The following STIM1 variants were observed in gnomAD, a reference collection of about 807,000 sequenced individuals.
The protein encoded by STIM1 is stromal interaction molecule 1.
In STIM1, 25 loss-of-function variants were observed where a neutral mutation model predicts 74.7. The observed-to-expected ratio is 0.33, with a 90% CI of 0.24 to 0.47. The LOEUF (loss-of-function observed/expected upper bound fraction) is 0.47. Ranked by LOEUF, STIM1 falls within the 20% of genes least tolerant of loss-of-function variation. The pLI, the probability that STIM1 is intolerant of heterozygous loss-of-function variation, is 1.00. For synonymous variants in STIM1, 328 were observed against 348.8 expected, an observed-to-expected ratio of 0.94 and a Z score of 0.66; for missense variants, 728 against 920.8, an observed-to-expected ratio of 0.79 and a Z score of 2.71.
rs554373736 is a variant in STIM1, at chr11:4,091,032, C to T, written c.1635-250C>T. On this transcript the variant is annotated intron_variant, in intron 12 of 12. Coordinates refer to ENST00000526596, the MANE Select transcript of STIM1 (RefSeq NM_001382567.1). ...TACTCTCCTTTTCCTGTCTCTTTTCCAATCTATCCTCATTCCCTCCTCCTG... is the reference window on the plus strand; with the variant it reads ...TACTCTCCTTTTCCTGTCTCTTTTCTAATCTATCCTCATTCCCTCCTCCTG... 1.3e-4 allele frequency among the ~76,000 whole-genome samples: 19 copies of T among 151,830 alleles called. No homozygotes were observed. In the South Asian group the frequency reaches 3.8e-3, roughly 30 times the overall value.
chr11:3,994,083 T>A (rs2093639855), intron 2 of STIM1, among the ~76,000 whole-genome samples: 1 of 152,168 alleles, frequency 6.6e-6, no homozygotes, highest in South Asian at 2.1e-4. Context: ...TCTCAGTGTT[T>A]GTTTATCTGG....
At chr11:3,983,762 A>G (rs2093529980) in intron 2 of STIM1, among the ~76,000 whole-genome samples, 1 of 152,130 alleles carries the variant, frequency 6.6e-6, no homozygotes. Context: ...CCCTGGACCC[A>G]ATTCTGAACA....
intron 1 of STIM1, among the ~76,000 whole-genome samples, chr11:3,867,700 G>A (rs934079740): frequency 6.6e-6 from 1 of 152,224 alleles, no homozygotes; most frequent in Non-Finnish European, 1.5e-5. Context: ...ATGTGATGGA[G>A]GAGACAAAAG....
At chr11:3,974,285 G>A (rs1003876117) in intron 2 of STIM1, 1 of 317,246 alleles carries the variant, frequency 3.2e-6, no homozygotes, top group Non-Finnish European at 5.8e-6. Flanking sequence ...CGGCATCCAT[G>A]GGTAGAAAAA....
chr11:3,880,978 C>T (rs962986610), intron 1 of STIM1, among the ~76,000 whole-genome samples: 11 of 151,566 alleles, frequency 7.3e-5, no homozygotes, highest in African/African-American at 2.2e-4. Context: ...CAGGTTTGGA[C>T]GGCTGCAGGA....
intron 1 of STIM1, among the ~76,000 whole-genome samples, chr11:3,896,248 A>T (rs2092171661): frequency 6.6e-6 from 1 of 152,140 alleles, no homozygotes; most frequent in South Asian, 2.1e-4. Flanking sequence ...ACAAGGGGAA[A>T]GGAGAATGGT....
chr11:3,987,843 A>G (rs2093571716), intron 2 of STIM1, among the ~76,000 whole-genome samples: 1 of 144,538 alleles, frequency 6.9e-6, no homozygotes, highest in Admixed American at 6.9e-5. Flanking sequence ...ACACACACAC[A>G]GTGTGTATAT....
chr11:4,073,388 C>T (rs1397197086), intron 6 of STIM1, among the ~76,000 whole-genome samples: 1 of 152,176 alleles, frequency 6.6e-6, no homozygotes, highest in Admixed American at 6.5e-5. Flanking sequence ...GCTGATGACT[C>T]CATCTTTTGG....
At chr11:3,954,837 G>C (rs1262446912) in intron 1 of STIM1, among the ~76,000 whole-genome samples, 1 of 152,150 alleles carries the variant, frequency 6.6e-6, no homozygotes, top group African/African-American at 2.4e-5. Context: ...AAAACAGTTT[G>C]GCAGTTACTT....
intron 3 of STIM1, among the ~76,000 whole-genome samples, chr11:4,030,435 A>G (rs746365314): frequency 6.6e-6 from 1 of 152,076 alleles, no homozygotes; most frequent in Admixed American, 6.6e-5. Flanking sequence ...TGTCTAAACC[A>G]TTTCAAAAGT....
intron 1 of STIM1, among the ~76,000 whole-genome samples, chr11:3,879,237 T>C (rs2091410894): frequency 6.6e-6 from 1 of 152,234 alleles, no homozygotes; most frequent in Admixed American, 6.5e-5. Flanking sequence ...ATTACAGGAA[T>C]GAGCCACTGC....
chr11:3,989,034 CCTT>C, intron 2 of STIM1: 2 of 983,534 alleles, frequency 2.0e-6, no homozygotes, highest in African/African-American at 1.6e-5. Context: ...GGGATTCCCT[CCTT>C]CTTAAAAATG....
intron 1 of STIM1, among the ~76,000 whole-genome samples, chr11:3,903,919 C>T (rs1475266239): frequency 3.9e-5 from 6 of 152,160 alleles, no homozygotes; most frequent in Non-Finnish European, 5.9e-5. Context: ...CTGGGAAAGG[C>T]TGGGCTTGGT....
intron 1 of STIM1, among the ~76,000 whole-genome samples, chr11:3,966,548 C>T (rs955507727): frequency 1.3e-5 from 2 of 152,192 alleles, no homozygotes; most frequent in African/African-American, 2.4e-5. Context: ...AAGTTAAGAT[C>T]TATCTTCTTT....
At chr11:4,036,970 T>C (rs1174324415) in intron 3 of STIM1, among the ~76,000 whole-genome samples, 3 of 152,190 alleles carry the variant, frequency 2.0e-5, no homozygotes, top group Non-Finnish European at 2.9e-5. Flanking sequence ...AATCAGGTCA[T>C]GTTGGTTGAT....
At chr11:4,041,209 T>C (rs2094144447) in intron 3 of STIM1, among the ~76,000 whole-genome samples, 1 of 152,226 alleles carries the variant, frequency 6.6e-6, no homozygotes, top group Admixed American at 6.5e-5. Flanking sequence ...TCACCTTATA[T>C]ATCCCTGTGA....
Position 4,093,147 on chromosome 11 carries a change from T to C in STIM1, c.*1349T>C, listed in dbSNP as rs548020309. 1 of 152,684 alleles carries C rather than the reference T, an allele frequency of 6.5e-6. No individual in the cohort carries two copies. Among genetic ancestry groups the C allele is most frequent in the South Asian group, 2.1e-4 (1 of 4,812 alleles). The allele number at this position is 152,684 out of a possible 1,614,324, so 9.5% of individuals were successfully genotyped here. On this transcript the variant is annotated 3_prime_UTR_variant, in exon 13 of 13. Coordinates refer to ENST00000526596, the MANE Select transcript of STIM1 (RefSeq NM_001382567.1). Reference sequence around the variant, plus strand: ...ACTCCCTGGACACCCTCAAATGGGGTTTTCTGTGTTATTTCATAAAATTCT... The same window carrying C: ...ACTCCCTGGACACCCTCAAATGGGGCTTTCTGTGTTATTTCATAAAATTCT...
chr11:4,066,160 C>T (rs2094363829), intron 5 of STIM1, among the ~76,000 whole-genome samples: 1 of 152,166 alleles, frequency 6.6e-6, no homozygotes, highest in African/African-American at 2.4e-5. Flanking sequence ...CCTCTGGTTC[C>T]CCCAGTCCCA....
intron 4 of STIM1, among the ~76,000 whole-genome samples, chr11:4,058,286 T>C (rs2094306288): frequency 6.6e-6 from 1 of 152,100 alleles, no homozygotes; most frequent in African/African-American, 2.4e-5. Flanking sequence ...AGAAGCCAGA[T>C]CTCCTAACCA....
Sources: allele counts gnomAD v4.1 joint callset (sites outside exome capture counted in the v4.1 genomes callset), GRCh38; gene constraint gnomAD v4.1.1; transcripts MANE v1.5; gene names NCBI Gene and HGNC (gene_info 2026-07-23, HGNC 2026-07-21).